The following CDH13 variants were observed in gnomAD, a reference collection of about 807,000 sequenced individuals.
CDH13 encodes the protein cadherin 13.
A neutral mutation model predicts 63.8 loss-of-function variants in CDH13; 24 were observed. The observed-to-expected ratio is 0.38, with a 90% CI of 0.27 to 0.53. CDH13 has a LOEUF of 0.53. CDH13 is among the 20% of genes least tolerant of loss of function. The probability of loss-of-function intolerance (pLI) is 0.85; values close to 1 mark genes in which losing one functional copy is unlikely to be tolerated. For synonymous variants in CDH13, 503 were observed against 355.3 expected (o/e 1.42, Z -4.67); for missense variants, 1,049 against 903.1 (o/e 1.16, Z -2.07).
intron 1 of CDH13, among the ~76,000 whole-genome samples, chr16:82,759,647 A>T (rs1182521645): frequency 1.3e-5 from 2 of 151,836 alleles, no homozygotes; most frequent in African/African-American, 4.8e-5. Flanking sequence ...AGTATTCCAT[A>T]GAAAATTGAT....
intron 3 of CDH13, among the ~76,000 whole-genome samples, chr16:83,078,346 G>T (rs146436091): frequency 6.6e-6 from 1 of 152,320 alleles, no homozygotes; most frequent in Non-Finnish European, 1.5e-5. Context: ...TGGGGACGGG[G>T]ATGATGGTTT....
chr16:82,639,698 A>G (rs1168495738), intron 1 of CDH13, among the ~76,000 whole-genome samples: 1 of 152,230 alleles, frequency 6.6e-6, no homozygotes, highest in Non-Finnish European at 1.5e-5. Flanking sequence ...TTACCAGACT[A>G]GTGTTTTTTC....
intron 1 of CDH13, among the ~76,000 whole-genome samples, chr16:82,676,876 G>GTTTTGTTTTGT (rs1244900126): frequency 7.1e-6 from 1 of 141,756 alleles, no homozygotes; most frequent in Non-Finnish European, 1.5e-5. Context: ...TTTGTTTTTT[G>GTTTTGTTTTGT]TTTTGTTTTG....
At chr16:83,454,249 T>A (rs1486899757) in intron 6 of CDH13, among the ~76,000 whole-genome samples, 1 of 152,230 alleles carries the variant, frequency 6.6e-6, no homozygotes, top group African/African-American at 2.4e-5. Flanking sequence ...TACATCCATC[T>A]CTGGGCATAG....
chr16:83,632,838 C>G (rs1195304496), intron 8 of CDH13, among the ~76,000 whole-genome samples: 1 of 150,690 alleles, frequency 6.6e-6, no homozygotes, highest in Non-Finnish European at 1.5e-5. Context: ...TTATGGTTAT[C>G]TCTTGATTAT....
intron 6 of CDH13, among the ~76,000 whole-genome samples, chr16:83,392,722 G>A (rs987880385): frequency 2.0e-5 from 3 of 152,196 alleles, no homozygotes; most frequent in Non-Finnish European, 4.4e-5. Flanking sequence ...TTCAAAGACA[G>A]AACCAGCGCA....
Position 83,602,697 on chromosome 16 carries a change from A to G in CDH13, c.1101+103A>G, listed in dbSNP as rs1342982706. 5 of 1,126,852 alleles carry G rather than the reference A, an allele frequency of 4.4e-6. No individual in the cohort carries two copies. The South Asian group carries it at 5.0e-5, about 11-fold the overall frequency. 69.8% of individuals were successfully genotyped at this position (1,126,852 alleles called of 1,614,324 possible). A position where few individuals can be genotyped will look rare whatever the true frequency, so the allele number is the denominator to read the frequency against. Reference sequence around the variant, plus strand: ...AGCACCTGCTGGCCCCCCTTTCAAAATCAAAATACTCCTTTGTGGGAGAGA... The same window carrying G: ...AGCACCTGCTGGCCCCCCTTTCAAAGTCAAAATACTCCTTTGTGGGAGAGA... On this transcript the variant is annotated intron_variant, in intron 8 of 13. Coordinates refer to ENST00000567109, the MANE Select transcript of CDH13 (RefSeq NM_001257.5).
At chr16:83,499,226 A>T (rs1320496337) in intron 7 of CDH13, among the ~76,000 whole-genome samples, 15 of 152,240 alleles carry the variant, frequency 9.9e-5, no homozygotes, top group Admixed American at 9.8e-4. Context: ...AATAATATAG[A>T]AAGATGTTCA....
intron 2 of CDH13, among the ~76,000 whole-genome samples, chr16:82,923,869 G>A (rs1284770142): frequency 6.6e-6 from 1 of 152,172 alleles, no homozygotes; most frequent in Non-Finnish European, 1.5e-5. Context: ...CCTAGGTTGG[G>A]AATTGGGATC....
intron 2 of CDH13, among the ~76,000 whole-genome samples, chr16:83,027,809 A>G (rs1341980217): frequency 2.0e-5 from 3 of 152,130 alleles, no homozygotes; most frequent in Non-Finnish European, 2.9e-5. Flanking sequence ...CCAGTTCGGT[A>G]GATGCCGCAG....
chr16:83,403,601 C>T (rs374437192), intron 6 of CDH13, among the ~76,000 whole-genome samples: 2 of 151,950 alleles, frequency 1.3e-5, no homozygotes, highest in South Asian at 2.1e-4. Flanking sequence ...CCACTCTGGG[C>T]GACAGAGCGA....
chr16:83,451,812 G>T (rs2072894470), intron 6 of CDH13, among the ~76,000 whole-genome samples: 1 of 152,220 alleles, frequency 6.6e-6, no homozygotes, highest in Non-Finnish European at 1.5e-5. Flanking sequence ...GCCACACGAT[G>T]CCCAGTCCAT....
At chr16:83,350,279 C>A (rs562177644) in intron 6 of CDH13, among the ~76,000 whole-genome samples, 14 of 152,342 alleles carry the variant, frequency 9.2e-5, no homozygotes, top group African/African-American at 3.1e-4. Flanking sequence ...GGCAGCCCCC[C>A]ACCCTGGACG....
chr16:83,057,270 G>C (rs565614710), intron 3 of CDH13, among the ~76,000 whole-genome samples: 3 of 152,130 alleles, frequency 2.0e-5, no homozygotes, highest in African/African-American at 7.2e-5. Flanking sequence ...CCAGTCTCAG[G>C]TATGTCTTTA....
intron 1 of CDH13, among the ~76,000 whole-genome samples, chr16:82,630,318 T>G (rs1038467871): frequency 1.3e-5 from 2 of 152,164 alleles, no homozygotes; most frequent in South Asian, 4.1e-4. Context: ...GTGATAGAGT[T>G]CACCTGTCTG....
chr16:83,786,223 G>C (rs986363263), intron 13 of CDH13, among the ~76,000 whole-genome samples: 2 of 152,200 alleles, frequency 1.3e-5, no homozygotes, highest in African/African-American at 4.8e-5. Context: ...GGAAGAGTTG[G>C]GGATGGAGTT....
chr16:82,652,364 T>C (rs895011239), intron 1 of CDH13, among the ~76,000 whole-genome samples: 2 of 152,248 alleles, frequency 1.3e-5, no homozygotes, highest in African/African-American at 4.8e-5. Flanking sequence ...CATGACAAGA[T>C]GAGAAGAGCT....
At chr16:83,781,799 G>T (rs768601880) in intron 12 of CDH13, among the ~76,000 whole-genome samples, 35 of 151,864 alleles carry the variant, frequency 2.3e-4, no homozygotes, top group Admixed American at 3.9e-4. Flanking sequence ...GTGAGCATCA[G>T]GATAAATAGC....
chr16:83,108,801 G>A lies in CDH13; in HGVS notation c.367-16584G>A, dbSNP rs140095443. ...TTGCCTTATCACAAGCCTAGAGAAT[G>A]TGTACCCATCCCTAGGAGAGTCCTC... On this transcript the variant is annotated intron_variant, in intron 3 of 13. Coordinates refer to ENST00000567109, the MANE Select transcript of CDH13 (RefSeq NM_001257.5). Among the ~76,000 whole-genome samples the A allele has an allele frequency of 2.0e-5, 3 of 152,282 alleles. No homozygotes were observed. In the East Asian group the frequency reaches 5.8e-4, roughly 29 times the overall value.
Sources: allele counts gnomAD v4.1 joint callset (sites outside exome capture counted in the v4.1 genomes callset), GRCh38; gene constraint gnomAD v4.1.1; transcripts MANE v1.5; gene names NCBI Gene and HGNC (gene_info 2026-07-23, HGNC 2026-07-21).